Variants in PPARGC1A observed in about 807,000 individuals in gnomAD.
PPARGC1A encodes PPARG coactivator 1 alpha.
Under a neutral mutation model 88.7 loss-of-function variants are expected in PPARGC1A, and 25 were observed. The observed-to-expected ratio is 0.28, with a 90% CI of 0.21 to 0.39. PPARGC1A has a LOEUF of 0.39. Ranked by LOEUF, PPARGC1A falls within the 10% of genes least tolerant of loss-of-function variation. PPARGC1A has a pLI of 1.00. For synonymous variants in PPARGC1A, 363 were observed against 355.6 expected, an observed-to-expected ratio of 1.02 and a Z score of -0.24; for missense variants, 880 against 968.7, an observed-to-expected ratio of 0.91 and a Z score of 1.22.
the PPARGC1A span, among the ~76,000 whole-genome samples, chr4:24,176,400 A>T: frequency 6.6e-6 from 1 of 152,124 alleles, no homozygotes; most frequent in African/African-American, 2.4e-5. Context: ...CACACAACAA[A>T]AAAGTGTAAT....
the PPARGC1A span, among the ~76,000 whole-genome samples, chr4:24,259,843 TTTTCC>T: frequency 6.6e-6 from 1 of 152,270 alleles, no homozygotes; most frequent in South Asian, 2.1e-4. Flanking sequence ...ATCATAGATT[TTTTCC>T]ACCCAAAGGA....
chr4:24,426,150 A>G, the PPARGC1A span, among the ~76,000 whole-genome samples: 1 of 152,200 alleles, frequency 6.6e-6, no homozygotes, highest in African/African-American at 2.4e-5. Context: ...TTCTTCTTAC[A>G]GAAGAAGGTA....
chr4:24,004,157 C>T, the PPARGC1A span, among the ~76,000 whole-genome samples: 2 of 152,134 alleles, frequency 1.3e-5, no homozygotes, highest in South Asian at 2.1e-4. Flanking sequence ...ATCTGTGTTG[C>T]TATAGCAGAT....
At chr4:24,296,106 GTACA>G in the PPARGC1A span, among the ~76,000 whole-genome samples, 1 of 149,544 alleles carries the variant, frequency 6.7e-6, no homozygotes, top group African/African-American at 2.5e-5. Flanking sequence ...ACATATATAT[GTACA>G]TATATACATA....
the PPARGC1A span, among the ~76,000 whole-genome samples, chr4:24,303,595 A>T: frequency 6.6e-6 from 1 of 152,260 alleles, no homozygotes; most frequent in Admixed American, 6.5e-5. Flanking sequence ...CAGAAATTCA[A>T]TTACATTTCA....
chr4:24,226,491 T>C, the PPARGC1A span, among the ~76,000 whole-genome samples: 3 of 152,338 alleles, frequency 2.0e-5, no homozygotes, highest in Admixed American at 2.0e-4. Flanking sequence ...TCAGCAGCTT[T>C]CTCTGTCTGC....
rs537230399 is a variant in PPARGC1A at position 23,831,878 on chromosome 4, A to G, written c.235-127T>C. 2.6e-4 allele frequency: 190 copies of G among 732,240 alleles called. 2 individuals carry two copies. In the African/African-American group the frequency reaches 3.1e-3, roughly 12 times the overall value. The allele number at this position is 732,240 out of a possible 1,614,324, so 45.4% of individuals were successfully genotyped here. A position where few individuals can be genotyped will look rare whatever the true frequency, so the allele number is the denominator to read the frequency against. On this transcript the variant is annotated intron_variant, in intron 2 of 12. Coordinates refer to ENST00000264867, the MANE Select transcript of PPARGC1A (RefSeq NM_013261.5). ...CTAGAATGCCCATTCCAGAACACAA[A>G]GATCATGTCTTTCTCAAACTCCAAA...
the PPARGC1A span, among the ~76,000 whole-genome samples, chr4:23,911,841 G>C: frequency 2.2e-4 from 34 of 152,246 alleles, no homozygotes; most frequent in African/African-American, 7.7e-4. Flanking sequence ...GTACAATACA[G>C]TATTTTTAAC....
chr4:23,870,810 GT>G (rs1713152824), intron 2 of PPARGC1A, among the ~76,000 whole-genome samples: 1 of 151,862 alleles, frequency 6.6e-6, no homozygotes. Flanking sequence ...AGGTTTTCCA[GT>G]ATGAATTATA....
At chr4:24,270,400 G>C in the PPARGC1A span, among the ~76,000 whole-genome samples, 1 of 151,636 alleles carries the variant, frequency 6.6e-6, no homozygotes, top group African/African-American at 2.4e-5. Flanking sequence ...AGAGAACCCT[G>C]AGTAATATAA....
rs772131746 is a variant in PPARGC1A at position 23,889,938 on chromosome 4, T to C, written c.20A>G (p.Asn7Ser). 3.7e-6 allele frequency: 6 copies of C among 1,613,926 alleles called. No homozygotes were observed. The Admixed American group carries it at 6.7e-5, about 18-fold the overall frequency. Residue 7 changes from asparagine (N) to serine (S), a missense_variant, in exon 1 of 13, where the codon AAC (asparagine) becomes AGC (serine). Physicochemically the swap from Asn to Ser is conservative, Grantham distance 46. Transcript: ENST00000264867. Reference sequence around the variant, plus strand: ...ACTCCATACAGACTCAGAGTCCTGGTTGCACATGTCCCACGCCATCCAGCT... The same window carrying C: ...ACTCCATACAGACTCAGAGTCCTGGCTGCACATGTCCCACGCCATCCAGCT... MAWDMC[N>S]QDSESVWSDI...
At chr4:24,429,893 C>T in the PPARGC1A span, among the ~76,000 whole-genome samples, 1 of 152,006 alleles carries the variant, frequency 6.6e-6, no homozygotes, top group South Asian at 2.1e-4. Flanking sequence ...TCAGGTGATC[C>T]ACCCACCTCG....
chr4:24,298,084 A>G, the PPARGC1A span, among the ~76,000 whole-genome samples: 5 of 152,248 alleles, frequency 3.3e-5, no homozygotes, highest in Middle Eastern at 3.4e-3. Context: ...TTTAGCTCCA[A>G]TTAGAGTCAG....
chr4:23,877,229 A>C (rs1429060148), intron 2 of PPARGC1A, among the ~76,000 whole-genome samples: 1 of 151,904 alleles, frequency 6.6e-6, no homozygotes, highest in African/African-American at 2.4e-5. Context: ...TTAAAAGTTA[A>C]AAGGAGGCCG....
chr4:24,245,363 C>T, the PPARGC1A span, among the ~76,000 whole-genome samples: 11 of 152,292 alleles, frequency 7.2e-5, no homozygotes, highest in Admixed American at 5.2e-4. Flanking sequence ...GAGCCCACAG[C>T]GCAATATGAC....
the PPARGC1A span, among the ~76,000 whole-genome samples, chr4:24,364,793 G>A: frequency 6.6e-6 from 1 of 152,120 alleles, no homozygotes; most frequent in Non-Finnish European, 1.5e-5. Context: ...TGTAAAGGTT[G>A]AATTAGACAC....
the PPARGC1A span, among the ~76,000 whole-genome samples, chr4:24,207,166 T>A: frequency 6.6e-6 from 1 of 152,106 alleles, no homozygotes; most frequent in African/African-American, 2.4e-5. Context: ...AAATGGGAGA[T>A]CCTGTTCACT....
In PPARGC1A at chr4:23,814,616, AATT is replaced by A; in HGVS notation, c.878-14_878-12del. On this transcript the variant is annotated splice_polypyrimidine_tract_variant and intron_variant, in intron 7 of 12. Coordinates refer to ENST00000264867, the MANE Select transcript of PPARGC1A (RefSeq NM_013261.5). ...TGGGTGGAGTTAGGCCTAAGGCAAAAATTAAAAAAAAAAAAAAAAAGAGAGAGA... is the reference window on the plus strand; with the variant it reads ...TGGGTGGAGTTAGGCCTAAGGCAAAAAAAAAAAAAAAAAAAAAGAGAGAGA... The A allele has an allele frequency of 7.0e-7, 1 of 1,429,444 alleles. No homozygotes were observed. The highest frequency in any genetic ancestry group is 9.2e-7 in the Non-Finnish European group (1 of 1,090,204). The allele number at this position is 1,429,444 out of a possible 1,614,324, so 88.5% of individuals were successfully genotyped here. A position where few individuals can be genotyped will look rare whatever the true frequency, so the allele number is the denominator to read the frequency against.
At chr4:24,176,754 G>A in the PPARGC1A span, among the ~76,000 whole-genome samples, 2 of 152,044 alleles carry the variant, frequency 1.3e-5, no homozygotes, top group Non-Finnish European at 2.9e-5. Flanking sequence ...CATGGGAGGT[G>A]GGACTGGGGA....
Sources: allele counts gnomAD v4.1 joint callset (sites outside exome capture counted in the v4.1 genomes callset), GRCh38; gene constraint gnomAD v4.1.1; transcripts MANE v1.5; gene names NCBI Gene and HGNC (gene_info 2026-07-23, HGNC 2026-07-21).